Variants in GRIP1 observed in about 807,000 individuals in gnomAD.
GRIP1 encodes the protein glutamate receptor-interacting protein 1.
GRIP1 carries 45 observed loss-of-function variants against 129.9 expected under a neutral mutation model. The observed-to-expected ratio is 0.35, with a 90% CI of 0.27 to 0.44. The LOEUF is 0.44. Among genes scored for constraint, GRIP1 ranks in the 20% least tolerant of loss-of-function variants. GRIP1 has a pLI of 1.00. For synonymous variants in GRIP1, 530 were observed against 520.8 expected, an observed-to-expected ratio of 1.02 and a Z score of -0.24; for missense variants, 1,196 against 1,396.8, an observed-to-expected ratio of 0.86 and a Z score of 2.29.
At chr12:66,419,681 T>A (rs185466744) in intron 15 of GRIP1, among the ~76,000 whole-genome samples, 1 of 152,384 alleles carries the variant, frequency 6.6e-6, no homozygotes, top group African/African-American at 2.4e-5. Flanking sequence ...CCAACTGTTA[T>A]GAGAGAGAAA....
At chr12:66,977,933 T>C (rs6581727) in intron 1 of GRIP1, among the ~76,000 whole-genome samples, 125,135 of 150,716 alleles carry the variant, frequency 0.83, 52,370 homozygotes, top group African/African-American at 0.93. Flanking sequence ...CCACCCCAGC[T>C]TCCCAAGTGG....
intron 1 of GRIP1, among the ~76,000 whole-genome samples, chr12:66,695,873 T>C (rs1421427108): frequency 6.6e-6 from 1 of 151,966 alleles, no homozygotes; most frequent in African/African-American, 2.4e-5. Flanking sequence ...GTGAGAAGAA[T>C]GGATAAATGA....
chr12:67,036,055 T>C (rs2043089271), intron 1 of GRIP1, among the ~76,000 whole-genome samples: 1 of 152,198 alleles, frequency 6.6e-6, no homozygotes, highest in Non-Finnish European at 1.5e-5. Context: ...ATCTAAAATT[T>C]ACATCAAAAT....
chr12:67,055,612 C>T (rs1410847122), intron 1 of GRIP1, among the ~76,000 whole-genome samples: 1 of 152,128 alleles, frequency 6.6e-6, no homozygotes, highest in Non-Finnish European at 1.5e-5. Flanking sequence ...CAATATTTAC[C>T]ATATTAGAAA....
intron 1 of GRIP1, among the ~76,000 whole-genome samples, chr12:66,859,198 A>G (rs761311314): frequency 3.4e-5 from 5 of 148,744 alleles, no homozygotes; most frequent in Non-Finnish European, 7.5e-5. Context: ...ACTAAACGCA[A>G]CAAATTGCCA....
At chr12:66,823,931 G>T (rs2039364872) in intron 1 of GRIP1, among the ~76,000 whole-genome samples, 1 of 152,124 alleles carries the variant, frequency 6.6e-6, no homozygotes, top group Non-Finnish European at 1.5e-5. Context: ...CTCAAACTCT[G>T]AAACAGACAG....
chr12:66,571,932 C>T (rs1187615821), intron 2 of GRIP1, among the ~76,000 whole-genome samples: 2 of 152,172 alleles, frequency 1.3e-5, no homozygotes, highest in African/African-American at 4.8e-5. Context: ...GTTCTTCAGT[C>T]ACATGTTTCA....
At chr12:66,531,766 G>C (rs527880337) in intron 4 of GRIP1, among the ~76,000 whole-genome samples, 1 of 152,046 alleles carries the variant, frequency 6.6e-6, no homozygotes, top group South Asian at 2.1e-4. Flanking sequence ...GGCCCAACAA[G>C]CCACTTGAAG....
In GRIP1 at chr12:66,459,384, C is replaced by T. The variant is rs117597034; in HGVS notation, c.1043-3042G>A. Among the ~76,000 whole-genome samples, 1,267 of 152,256 alleles carry T rather than the reference C, an allele frequency of 8.3e-3. 40 individuals carry two copies. The South Asian group carries it at 0.1, about 12-fold the overall frequency. ...CTGTGTTTGGCCAATTTACAACCACCGACACTTTAGCGTACTTTTCACAAA... is the reference window on the plus strand; with the variant it reads ...CTGTGTTTGGCCAATTTACAACCACTGACACTTTAGCGTACTTTTCACAAA... On this transcript the variant is annotated intron_variant, in intron 9 of 24. Transcript: ENST00000359742.
chr12:66,920,121 C>T (rs530869520), intron 1 of GRIP1, among the ~76,000 whole-genome samples: 1 of 152,138 alleles, frequency 6.6e-6, no homozygotes, highest in Admixed American at 6.5e-5. Context: ...TAATAAAACA[C>T]ATAGAGATTA....
chr12:66,918,737 A>G (rs2041166923), intron 1 of GRIP1, among the ~76,000 whole-genome samples: 1 of 152,168 alleles, frequency 6.6e-6, no homozygotes, highest in Non-Finnish European at 1.5e-5. Context: ...TGAAAGAGTA[A>G]TATCATCAAA....
intron 1 of GRIP1, among the ~76,000 whole-genome samples, chr12:66,922,981 T>A (rs1028520338): frequency 1.3e-5 from 2 of 152,236 alleles, no homozygotes; most frequent in Non-Finnish European, 2.9e-5. Context: ...TTGATATATA[T>A]GATTGAGCCC....
chr12:66,520,231 C>T lies in GRIP1; in HGVS notation c.503-2255G>A, dbSNP rs561303856. ...CATCTATGCCAAAATATCTTATCTG[C>T]CATACTAATATTTACTCACAGCACT... On this transcript the variant is annotated intron_variant, in intron 5 of 24. Transcript: ENST00000359742. Among the ~76,000 whole-genome samples, 4 of 152,262 alleles carry T rather than the reference C, an allele frequency of 2.6e-5. No homozygotes were observed. In the South Asian group the frequency reaches 8.3e-4, roughly 32 times the overall value.
chr12:67,043,611 C>T (rs540086244), intron 1 of GRIP1, among the ~76,000 whole-genome samples: 2 of 152,098 alleles, frequency 1.3e-5, no homozygotes, highest in Non-Finnish European at 1.5e-5. Context: ...CTTCTACGCC[C>T]CCCATTCTCA....
At chr12:66,839,827 T>A (rs989190535) in intron 1 of GRIP1, among the ~76,000 whole-genome samples, 1 of 152,234 alleles carries the variant, frequency 6.6e-6, no homozygotes, top group African/African-American at 2.4e-5. Flanking sequence ...GGCACTCTGC[T>A]AAGCGCTTCA....
intron 1 of GRIP1, among the ~76,000 whole-genome samples, chr12:66,643,909 T>C (rs112994216): frequency 1.6e-3 from 243 of 152,246 alleles, no homozygotes; most frequent in African/African-American, 5.7e-3. Context: ...TGTCTTGCCA[T>C]ATGTATTAGT....
In GRIP1 at chr12:66,546,324, A is replaced by AT. The variant is rs71436011; in HGVS notation, c.137-4375dup. Among the ~76,000 whole-genome samples the AT allele has an allele frequency of 5.6e-3, 837 of 148,320 alleles. 3 individuals are homozygous for AT. The highest frequency in any genetic ancestry group is 7.6e-3 in the African/African-American group (309 of 40,464). On this transcript the variant is annotated intron_variant, in intron 2 of 24. Coordinates refer to ENST00000359742, the MANE Select transcript of GRIP1 (RefSeq NM_001366722.1). ...CACAGTGAGATCTCATCTCTGCATAATTTTTTTTTTTTTTAAATAGCTGGG... is the reference window on the plus strand; with the variant it reads ...CACAGTGAGATCTCATCTCTGCATAATTTTTTTTTTTTTTTAAATAGCTGGG...
upstream of GRIP1, chr12:66,679,184 G>A: frequency 2.3e-6 from 3 of 1,316,976 alleles, no homozygotes; most frequent in South Asian, 3.0e-5. Flanking sequence ...TAGCAACAAA[G>A]CACCAAATTG....
upstream of GRIP1, among the ~76,000 whole-genome samples, chr12:66,807,667 G>T (rs1294747927): frequency 6.6e-6 from 1 of 151,840 alleles, no homozygotes; most frequent in East Asian, 1.9e-4. Context: ...GAGTAAAAAA[G>T]TGTGGCACCT....
Sources: gnomAD v4.1 joint callset for allele counts (sites outside exome capture counted in the v4.1 genomes callset) on GRCh38, gnomAD v4.1.1 for gene constraint, MANE v1.5 for transcripts, NCBI Gene and HGNC (gene_info 2026-07-23, HGNC 2026-07-21) for gene names.